NBAS: variants seen among roughly 807,000 people sequenced by gnomAD.
NBAS encodes NBAS subunit of NRZ tethering complex.
A neutral mutation model predicts 302.5 loss-of-function variants in NBAS; 219 were observed. That is an observed-to-expected ratio of 0.72 (90% CI 0.65 to 0.81). The LOEUF is 0.81. Ranked by LOEUF, NBAS falls within the 30% of genes least tolerant of loss-of-function variation. NBAS has a pLI of 0.00. For missense variants in NBAS, 2,932 were observed against 2,841.6 expected (o/e 1.03, Z -0.72); for synonymous variants, 1,118 against 1,021.6 (o/e 1.09, Z -1.80).
Position 15,190,436 on chromosome 2 carries a change from G to A in NBAS, c.6433-33C>T, listed in dbSNP as rs937415749. 5 of 1,612,654 alleles carry A rather than the reference G, an allele frequency of 3.1e-6. No individual in the cohort carries two copies. The African/African-American group carries it at 6.7e-5, about 22-fold the overall frequency. On this transcript the variant is annotated intron_variant, in intron 48 of 51. Coordinates refer to ENST00000281513, the MANE Select transcript of NBAS (RefSeq NM_015909.4). ...AAGAAATACACACTTAAAGCTGGTG[G>A]CAAAGGCTACTGAATTGGTTTATAG...
At chr2:15,032,440 T>A in the NBAS span, among the ~76,000 whole-genome samples, 1 of 152,202 alleles carries the variant, frequency 6.6e-6, no homozygotes, top group Non-Finnish European at 1.5e-5. Context: ...TATGTTCCAG[T>A]GTCTTGTGAA....
intron 23 of NBAS, among the ~76,000 whole-genome samples, chr2:15,419,929 G>A (rs1282239829): frequency 6.6e-6 from 1 of 151,958 alleles, no homozygotes; most frequent in African/African-American, 2.4e-5. Flanking sequence ...AGCCAGGATG[G>A]TCTCGATCTC....
the NBAS span, among the ~76,000 whole-genome samples, chr2:15,059,376 T>C: frequency 6.6e-6 from 1 of 152,200 alleles, no homozygotes; most frequent in Non-Finnish European, 1.5e-5. Flanking sequence ...TTTTATTTTT[T>C]AGATAATGAA....
At chr2:15,098,562 A>G in the NBAS span, among the ~76,000 whole-genome samples, 1 of 120,416 alleles carries the variant, frequency 8.3e-6, no homozygotes, top group Non-Finnish European at 1.6e-5. Flanking sequence ...GTTATATATT[A>G]TATATTGTAT....
At chr2:15,462,154 A>C (rs892223785) in intron 19 of NBAS, among the ~76,000 whole-genome samples, 13 of 152,372 alleles carry the variant, frequency 8.5e-5, no homozygotes, top group African/African-American at 3.1e-4. Flanking sequence ...CACCACTGCT[A>C]GGGTGACCTA....
the NBAS span, among the ~76,000 whole-genome samples, chr2:14,915,521 A>AT: frequency 2.6e-5 from 4 of 152,132 alleles, no homozygotes; most frequent in African/African-American, 7.2e-5. Flanking sequence ...GGTCTTTCCC[A>AT]TGCTATTCTC....
intron 22 of NBAS, among the ~76,000 whole-genome samples, chr2:15,425,156 T>C (rs1677407211): frequency 1.1e-5 from 1 of 95,152 alleles, no homozygotes; most frequent in Non-Finnish European, 2.5e-5. Flanking sequence ...CTTCCATGTT[T>C]AAGGACAAAA....
At chr2:15,404,013 T>A (rs1676287545) in intron 25 of NBAS, among the ~76,000 whole-genome samples, 1 of 151,906 alleles carries the variant, frequency 6.6e-6, no homozygotes, top group Non-Finnish European at 1.5e-5. Flanking sequence ...AGTGCTGGGA[T>A]TACAGGCATG....
chr2:14,807,452 T>A, the NBAS span, among the ~76,000 whole-genome samples: 32 of 108,972 alleles, frequency 2.9e-4, no homozygotes, highest in Non-Finnish European at 3.8e-4. Context: ...TGTGTGTGTG[T>A]GAGTGTGTGT....
At chr2:15,323,082 A>G (rs1296992154) in intron 38 of NBAS, among the ~76,000 whole-genome samples, 1 of 152,220 alleles carries the variant, frequency 6.6e-6, no homozygotes, top group Non-Finnish European at 1.5e-5. Context: ...GAAATATTAA[A>G]ATCAGATTGT....
At chr2:15,266,785 G>A (rs1200842959) in intron 44 of NBAS, among the ~76,000 whole-genome samples, 4 of 151,854 alleles carry the variant, frequency 2.6e-5, no homozygotes, top group African/African-American at 9.7e-5. Context: ...GGATTTTACC[G>A]AGCCTCCTAG....
chr2:15,034,410 GC>G, the NBAS span, among the ~76,000 whole-genome samples: 1 of 152,004 alleles, frequency 6.6e-6, no homozygotes, highest in Non-Finnish European at 1.5e-5. Context: ...CCAGAAGAGG[GC>G]CCTCACCAGA....
At chr2:15,167,425 GC>G in intron 51 of NBAS, 102 bp from the exon 52 acceptor site, 5 of 1,446,572 alleles carry the variant, frequency 3.5e-6, no homozygotes, top group Non-Finnish European at 4.8e-6. Context: ...CATCATTCAT[GC>G]CCTGGCCTGG....
At chr2:14,945,998 G>A in the NBAS span, among the ~76,000 whole-genome samples, 1 of 152,086 alleles carries the variant, frequency 6.6e-6, no homozygotes, top group Admixed American at 6.5e-5. Flanking sequence ...TTTGAACCTA[G>A]GAGGCAGAGG....
intron 6 of NBAS, among the ~76,000 whole-genome samples, chr2:15,541,282 C>T (rs577478397): frequency 9.9e-5 from 15 of 152,214 alleles, no homozygotes; most frequent in Non-Finnish European, 1.3e-4. Context: ...TTCCCAGGAC[C>T]TGGAATTCAA....
At chr2:15,428,138 G>A (rs1418598569) in intron 21 of NBAS, among the ~76,000 whole-genome samples, 1 of 152,182 alleles carries the variant, frequency 6.6e-6, no homozygotes, top group Non-Finnish European at 1.5e-5. Flanking sequence ...TGGATTGTAA[G>A]CTGTTGGGGC....
chr2:15,238,731 C>CATGTAA (rs1667724066), intron 44 of NBAS, 45 bp from the exon 45 acceptor site: 1 of 1,517,730 alleles, frequency 6.6e-7, no homozygotes, highest in Non-Finnish European at 9.0e-7. Context: ...GCATTATTAC[C>CATGTAA]TATTGCATAT....
chr2:15,052,626 A>G, the NBAS span, among the ~76,000 whole-genome samples: 1 of 152,342 alleles, frequency 6.6e-6, no homozygotes, highest in Admixed American at 6.5e-5. Context: ...GACTCATGAC[A>G]CTATAAAGCA....
intron 21 of NBAS, among the ~76,000 whole-genome samples, chr2:15,451,997 T>TAAA (rs754723466): frequency 7.3e-6 from 1 of 136,798 alleles, no homozygotes; most frequent in East Asian, 2.1e-4. Flanking sequence ...AACATTACGC[T>TAAA]AAAAAAAAAA....
Sources: allele counts gnomAD v4.1 joint callset (sites outside exome capture counted in the v4.1 genomes callset), GRCh38; gene constraint gnomAD v4.1.1; transcripts MANE v1.5; gene names NCBI Gene and HGNC (gene_info 2026-07-23, HGNC 2026-07-21).